Variants in RNF123 observed in about 807,000 individuals in gnomAD.
RNF123 encodes the protein E3 ubiquitin-protein ligase RNF123.
RNF123 carries 86 observed loss-of-function variants against 168.5 expected under a neutral mutation model. That is an observed-to-expected ratio of 0.51 (90% CI 0.43 to 0.61). The LOEUF is 0.61. Ranked by LOEUF, RNF123 falls within the 20% of genes least tolerant of loss-of-function variation. The pLI, the probability that RNF123 is intolerant of heterozygous loss-of-function variation, is 0.00. For missense variants in RNF123, 1,419 were observed against 1,729.7 expected (o/e 0.82, Z 3.19); for synonymous variants, 666 against 689.1 (o/e 0.97, Z 0.52).
intron 21 of RNF123, among the ~76,000 whole-genome samples, chr3:49,704,317 AG>A (rs2054468596): frequency 6.6e-6 from 1 of 152,172 alleles, no homozygotes; most frequent in African/African-American, 2.4e-5. Flanking sequence ...CCTGGAGAGC[AG>A]GAAGTCCTGG....
At chr3:49,703,810 G>C (rs577716062) in intron 21 of RNF123, among the ~76,000 whole-genome samples, 27 of 152,348 alleles carry the variant, frequency 1.8e-4, no homozygotes, top group Non-Finnish European at 3.8e-4. Context: ...GCTGCCTTCA[G>C]GGATGAGCAC....
Position 49,699,207 on chromosome 3 carries a change from C to G in RNF123, c.764+102C>G. ...GGGTGCCATGGGCTGGTGGCAGGCCCTGGCTGCTGCAGAGTTAGTGGGGGG... is the reference window on the plus strand; with the variant it reads ...GGGTGCCATGGGCTGGTGGCAGGCCGTGGCTGCTGCAGAGTTAGTGGGGGG... On this transcript the variant is annotated intron_variant, in intron 10 of 38. Transcript: ENST00000327697. This position sits in a 1 kb window ranked among gnomAD's most constrained non-coding sequence, Gnocchi z 4.8. The G allele has an allele frequency of 6.9e-7, 1 of 1,456,466 alleles. No homozygotes were observed. Among genetic ancestry groups the G allele is most frequent in the Non-Finnish European group, 9.3e-7 (1 of 1,080,236 alleles). 90.2% of individuals were successfully genotyped at this position (1,456,466 alleles called of 1,614,324 possible).
intron 16 of RNF123, 57 bp downstream of exon 16, chr3:49,701,665 A>C: frequency 2.0e-6 from 3 of 1,511,956 alleles, no homozygotes; most frequent in South Asian, 1.1e-5. Flanking sequence ...TGGCCTGGGC[A>C]TCTGGCCACT....
rs780477190 is a variant in RNF123 at position 49,702,400 on chromosome 3, C to CG, written c.1629+1dup. 18 of 1,614,100 alleles carry CG rather than the reference C, an allele frequency of 1.1e-5. No individual in the cohort carries two copies. Among genetic ancestry groups the CG allele is most frequent in the Non-Finnish European group, 1.5e-5 (18 of 1,179,992 alleles). On this transcript the variant is annotated frameshift_variant, in exon 19 of 39. Coordinates refer to ENST00000327697, the MANE Select transcript of RNF123 (RefSeq NM_022064.5). LOFTEE classifies it high-confidence loss of function. ...GTTTCTGCAGGAGAACGCCAGTGGC[C>CG]GGGGGGTAGGTGTCCTCCAGGCCAG...
At chr3:49,707,141 CTCTG>C (rs889113797) in intron 26 of RNF123, among the ~76,000 whole-genome samples, 17 of 152,158 alleles carry the variant, frequency 1.1e-4, no homozygotes, top group African/African-American at 3.1e-4. Context: ...GAGGAACAAA[CTCTG>C]TCTGTCTGCC....
In RNF123 at chr3:49,699,441, A is replaced by G; in HGVS notation, c.765-27A>G. ...GAGTAGGCATGTCTGAGCCACAGATAAGGCGTTGCTGGCTTAACTCTGGCA... is the reference window on the plus strand; with the variant it reads ...GAGTAGGCATGTCTGAGCCACAGATGAGGCGTTGCTGGCTTAACTCTGGCA... On this transcript the variant is annotated intron_variant, in intron 10 of 38. Coordinates refer to ENST00000327697, the MANE Select transcript of RNF123 (RefSeq NM_022064.5). The surrounding 1 kb of genome is among the most constrained non-coding windows in gnomAD (Gnocchi z 4.8). 1 of 1,545,356 alleles carries G rather than the reference A, an allele frequency of 6.5e-7. No homozygotes were observed. The highest frequency in any genetic ancestry group is 8.8e-7 in the Non-Finnish European group (1 of 1,135,358).
In RNF123 at chr3:49,699,673, G is replaced by T. The variant is rs1412052676; in HGVS notation, c.885G>T (p.Gly295=). ...VLSVELDPVE[G]RLLDKESSKW... is the part of the protein sequence containing the mutation. ...CCTCCTCCCCCTCCACACAGGAGGG[G>T]CGGCTGTTGGACAAGGAGAGCTCCA... The change falls in exon 12 of 39, where the codon GGG becomes GGT. Residue 295 remains glycine (G), a synonymous_variant. Coordinates refer to ENST00000327697, the MANE Select transcript of RNF123 (RefSeq NM_022064.5). This position sits in a 1 kb window ranked among gnomAD's most constrained non-coding sequence, Gnocchi z 4.8. 6.2e-7 allele frequency: 1 copy of T among 1,613,862 alleles called. No homozygotes were observed.
At chr3:49,717,657 G>A (rs2080274372) in intron 35 of RNF123, 1 of 509,502 alleles carries the variant, frequency 2.0e-6, no homozygotes, top group Non-Finnish European at 3.5e-6. Flanking sequence ...GGGTCTCTCA[G>A]CCTCACAGGG....
At chr3:49,690,344 T>C (rs576205957) in intron 1 of RNF123, among the ~76,000 whole-genome samples, 10 of 152,362 alleles carry the variant, frequency 6.6e-5, no homozygotes, top group African/African-American at 2.4e-4. Flanking sequence ...AATCGAATTG[T>C]TAATTTTTAA....
At chr3:49,694,325 A>G (rs1266271998) in intron 3 of RNF123, among the ~76,000 whole-genome samples, 4 of 152,186 alleles carry the variant, frequency 2.6e-5, no homozygotes, top group Non-Finnish European at 4.4e-5. Flanking sequence ...CATGTCCCTC[A>G]CTTCCAAAAG....
Position 49,696,688 on chromosome 3 carries a change from G to A in RNF123, c.168-455G>A, listed in dbSNP as rs142656174. On this transcript the variant is annotated intron_variant, in intron 3 of 38. Coordinates refer to ENST00000327697, the MANE Select transcript of RNF123 (RefSeq NM_022064.5). ...AGACAGAGTCTTACTCTTGTTGCCC[G>A]GGCTGAAGTACAATGACACGATCTT... is the stretch of plus-strand genomic sequence containing the variant. Among the ~76,000 whole-genome samples the A allele has an allele frequency of 8.8e-3, 1,183 of 134,468 alleles. 7 individuals carry two copies. Among genetic ancestry groups the A allele is most frequent in the South Asian group, 0.022 (94 of 4,244 alleles). 88.2% of individuals were successfully genotyped at this position (134,468 alleles called of 152,430 possible).
At chr3:49,719,112 A>T in intron 35 of RNF123, 1 of 1,613,552 alleles carries the variant, frequency 6.2e-7, no homozygotes, top group Non-Finnish European at 8.5e-7. Flanking sequence ...GCAACGTGTT[A>T]GATGATAGAT....
At chr3:49,691,593 G>A in intron 3 of RNF123, 84 bp downstream of exon 3, 5 of 1,070,746 alleles carry the variant, frequency 4.7e-6, no homozygotes, top group East Asian at 2.5e-5. Flanking sequence ...AGGGAGCCTG[G>A]GCTCTGGACA....
chr3:49,706,708 C>T, intron 25 of RNF123, 83 bp from the exon 26 acceptor site: 1 of 1,211,500 alleles, frequency 8.3e-7, no homozygotes, highest in Non-Finnish European at 1.2e-6. Context: ...ACTAGAGGGC[C>T]CTTCCTAGGC....
chr3:49,707,402 A>G (rs943348364), intron 26 of RNF123, among the ~76,000 whole-genome samples: 10 of 152,200 alleles, frequency 6.6e-5, no homozygotes, highest in African/African-American at 1.9e-4. Flanking sequence ...ACACACATTA[A>G]TAAGTCAGAA....
rs752169181 is a variant in RNF123 at position 49,715,828 on chromosome 3, C to G, written c.3157C>G (p.Gln1053Glu). ...EFIGMIQEIQQAAERLERNFV... is the reference protein window; with the variant it reads ...EFIGMIQEIQEAAERLERNFV... ...CCACGTGTTGGTGGCTCAGATCCAG[C>G]AGGCTGCTGAGCGCCTGGAGCGGAA... Residue 1053 changes from glutamine to glutamate, a missense_variant, in exon 33 of 39, where the codon CAG becomes GAG. Gln to Glu is a conservative substitution (Grantham distance 29). This residue lies in a region of RNF123 where 538 missense variants were observed against 708.8 expected (regional missense o/e 0.76). Coordinates refer to ENST00000327697, the MANE Select transcript of RNF123 (RefSeq NM_022064.5). 6.2e-7 allele frequency: 1 copy of G among 1,613,896 alleles called. No individual in the cohort carries two copies. The highest frequency in any genetic ancestry group is 8.5e-7 in the Non-Finnish European group (1 of 1,179,962).
rs1378234297 is a variant in RNF123, at chr3:49,701,596, C to T, written c.1383C>T (p.Cys461=). Residue 461 remains cysteine (C), a synonymous_variant, in exon 16 of 39, where the codon TGC becomes TGT. Coordinates refer to ENST00000327697, the MANE Select transcript of RNF123 (RefSeq NM_022064.5). ...TTCCCACCACCTGGTGGCCCCACTG[C>T]TCCAGTAGGGAGGTGAGTGCACCCC... ...ELIPTTWWPH[C]SSREGKESTE... 6.2e-7 allele frequency: 1 copy of T among 1,612,534 alleles called. No homozygotes were observed. The highest frequency in any genetic ancestry group is 1.1e-5 in the South Asian group (1 of 91,058).
chr3:49,716,331 GC>G, intron 34 of RNF123, 61 bp from the exon 35 acceptor site: 1 of 1,577,664 alleles, frequency 6.3e-7, no homozygotes. Flanking sequence ...CAGTGGGCAG[GC>G]CTGGAGCCCT....
intron 35 of RNF123, chr3:49,718,615 G>C: frequency 6.2e-7 from 1 of 1,612,960 alleles, no homozygotes. Context: ...GTGCTCTTCC[G>C]GCCGCTCTAG....
Sources: allele counts gnomAD v4.1 joint callset (sites outside exome capture counted in the v4.1 genomes callset), GRCh38; gene constraint gnomAD v4.1.1; regional missense constraint gnomAD v4.1.1; non-coding constraint Gnocchi (gnomAD v3.1); transcripts MANE v1.5; gene names NCBI Gene and HGNC (gene_info 2026-07-23, HGNC 2026-07-21).